Variants in TTC6 observed in about 807,000 individuals in gnomAD.
The protein encoded by TTC6 is tetratricopeptide repeat protein 6.
TTC6 carries 172 observed loss-of-function variants against 210.4 expected under a neutral mutation model. That is an observed-to-expected ratio of 0.82 (90% CI 0.72 to 0.93). TTC6 has a LOEUF of 0.93. Among genes scored for constraint, TTC6 ranks in the 40% least tolerant of loss-of-function variants. The pLI is 0.00. For missense variants in TTC6, 2,414 were observed against 2,318.1 expected (o/e 1.04, Z -0.85); for synonymous variants, 804 against 819.6 (o/e 0.98, Z 0.32).
intron 7 of TTC6, among the ~76,000 whole-genome samples, chr14:37,730,943 G>C (rs1027604499): frequency 2.6e-5 from 4 of 152,152 alleles, no homozygotes; most frequent in African/African-American, 9.6e-5. Flanking sequence ...TGTTCTAGAG[G>C]CTGGAGCTGC....
intron 1 of TTC6, among the ~76,000 whole-genome samples, chr14:37,663,849 T>C (rs573128037): frequency 6.6e-6 from 1 of 152,100 alleles, no homozygotes; most frequent in African/African-American, 2.4e-5. Flanking sequence ...AGCATTCTTG[T>C]ACACCAACAA....
chr14:37,656,177 A>G (rs1405927285), intron 1 of TTC6, among the ~76,000 whole-genome samples: 1 of 152,210 alleles, frequency 6.6e-6, no homozygotes. Context: ...ATCCAGGTGT[A>G]GCAGTGAAGA....
At chr14:37,751,897 C>T (rs1182974149) in intron 13 of TTC6, among the ~76,000 whole-genome samples, 1 of 148,038 alleles carries the variant, frequency 6.8e-6, no homozygotes. Context: ...GATCTCGGCT[C>T]ACTGCAAGCT....
chr14:37,829,036 C>G (rs540042899), intron 29 of TTC6, among the ~76,000 whole-genome samples: 1 of 152,028 alleles, frequency 6.6e-6, no homozygotes, highest in African/African-American at 2.4e-5. Context: ...TCCTTTGTTT[C>G]TTTTAATACT....
chr14:37,737,049 G>C (rs1419614539), intron 8 of TTC6, among the ~76,000 whole-genome samples: 2 of 152,054 alleles, frequency 1.3e-5, no homozygotes, highest in African/African-American at 2.4e-5. Context: ...TAAGCCACTG[G>C]ATCTGGTCTA....
chr14:37,672,766 T>C (rs1330624428), intron 1 of TTC6, among the ~76,000 whole-genome samples: 1 of 152,022 alleles, frequency 6.6e-6, no homozygotes, highest in East Asian at 1.9e-4. Flanking sequence ...TTTTTCTGAT[T>C]GCATTGCATC....
intron 1 of TTC6, among the ~76,000 whole-genome samples, chr14:37,638,416 G>A (rs533804770): frequency 5.3e-5 from 8 of 152,054 alleles, no homozygotes; most frequent in Admixed American, 1.3e-4. Flanking sequence ...CACCATGCCC[G>A]GCTAATTTTT....
At chr14:37,622,966 G>C (rs1428791523) in exon 1 of TTC6, 3 of 1,508,652 alleles carry the variant, frequency 2.0e-6, no homozygotes, top group Non-Finnish European at 2.7e-6. Context: ...GAGCTCATAC[G>C]GAGCGTCCTT....
At chr14:37,816,655 C>G (rs944805768) in intron 25 of TTC6, among the ~76,000 whole-genome samples, 1 of 152,082 alleles carries the variant, frequency 6.6e-6, no homozygotes, top group Non-Finnish European at 1.5e-5. Context: ...GAAGCCCTTC[C>G]TATATTATAG....
intron 24 of TTC6, among the ~76,000 whole-genome samples, 199 bp downstream of exon 26, chr14:37,809,045 A>G (rs2096124281): frequency 1.3e-5 from 2 of 152,192 alleles, no homozygotes; most frequent in African/African-American, 4.8e-5. Context: ...AAATACACAC[A>G]TATAAAACTT....
chr14:37,691,750 G>T (rs1408197872), intron 3 of TTC6, among the ~76,000 whole-genome samples: 1 of 152,076 alleles, frequency 6.6e-6, no homozygotes, highest in African/African-American at 2.4e-5. Flanking sequence ...AATGAGATAA[G>T]AAAGTTGGTT....
At position 37,626,754 on chromosome 14, in the gene TTC6, C is replaced by T. The variant is rs561105376; in HGVS notation, c.939+3751C>T. 6.6e-5 allele frequency among the ~76,000 whole-genome samples: 10 copies of T among 152,206 alleles called. No homozygotes were observed. In the South Asian group the frequency reaches 2.1e-3, roughly 32 times the overall value. On this transcript the variant is annotated intron_variant, in intron 1 of 30. Transcript: ENST00000553443. The stretch of plus-strand genomic sequence containing the variant: ...CAATGGTTACAGCTAGAAAAATCTG[C>T]AACAAAAGCCTGCTCTTTAGCCAAA...
intron 2 of TTC6, among the ~76,000 whole-genome samples, chr14:37,615,694 G>C (rs537724197): frequency 2.0e-5 from 3 of 151,964 alleles, no homozygotes; most frequent in South Asian, 2.1e-4. Flanking sequence ...TATAACAGTT[G>C]CTTTAATGTC....
chr14:37,679,421 T>C (rs1444818039), intron 1 of TTC6, among the ~76,000 whole-genome samples: 1 of 152,114 alleles, frequency 6.6e-6, no homozygotes, highest in East Asian at 1.9e-4. Flanking sequence ...GTAGAGAGTA[T>C]ATCATTGCAA....
chr14:37,645,139 A>T (rs942528812), intron 1 of TTC6, among the ~76,000 whole-genome samples: 5 of 152,216 alleles, frequency 3.3e-5, no homozygotes, highest in Non-Finnish European at 7.3e-5. Flanking sequence ...GCATTATGGT[A>T]CTTTTCACTC....
chr14:37,715,649 G>T (rs970793569), intron 6 of TTC6, among the ~76,000 whole-genome samples: 33 of 152,230 alleles, frequency 2.2e-4, no homozygotes, highest in African/African-American at 7.9e-4. Flanking sequence ...AATGGAAATG[G>T]GTTTCTCATG....
At chr14:37,792,616 C>A (rs960310043) in intron 17 of TTC6, among the ~76,000 whole-genome samples, 2 of 151,990 alleles carry the variant, frequency 1.3e-5, no homozygotes, top group Non-Finnish European at 1.5e-5. Flanking sequence ...TTATGTCTTT[C>A]ACTTTTGAAA....
chr14:37,730,601 A>AG (rs1251917758), intron 7 of TTC6, among the ~76,000 whole-genome samples: 2 of 152,000 alleles, frequency 1.3e-5, no homozygotes, highest in Non-Finnish European at 1.5e-5. Flanking sequence ...CTTTCTTCTA[A>AG]TCATTTTTGT....
At chr14:37,763,046 G>A (rs993006718) in intron 14 of TTC6, among the ~76,000 whole-genome samples, 2 of 136,338 alleles carry the variant, frequency 1.5e-5, no homozygotes, top group Non-Finnish European at 3.2e-5. Context: ...CACCACACCC[G>A]CCTAATTTTT....
Sources: allele counts gnomAD v4.1 joint callset (sites outside exome capture counted in the v4.1 genomes callset), GRCh38; gene constraint gnomAD v4.1.1; transcripts MANE v1.5; gene names NCBI Gene and HGNC (gene_info 2026-07-23, HGNC 2026-07-21).